Variants in NR2C1 observed in about 807,000 individuals in gnomAD.
The protein encoded by NR2C1 is TR2 nuclear hormone receptor.
In NR2C1, 33 loss-of-function variants were observed where a neutral mutation model predicts 74.8. That is an observed-to-expected ratio of 0.44 (90% CI 0.33 to 0.59). The LOEUF is 0.59. Ranked by LOEUF, NR2C1 falls within the 20% of genes least tolerant of loss-of-function variation. The pLI, the probability that NR2C1 is intolerant of heterozygous loss-of-function variation, is 0.02. For missense variants in NR2C1, 568 were observed against 715.6 expected (o/e 0.79, Z 2.35); for synonymous variants, 225 against 240.6 (o/e 0.94, Z 0.60).
intron 12 of NR2C1, among the ~76,000 whole-genome samples, chr12:95,026,306 G>GT (rs1305196289): frequency 1.3e-5 from 2 of 151,568 alleles, no homozygotes; most frequent in Non-Finnish European, 2.9e-5. Context: ...AGGTAAAAAG[G>GT]TATATAAGAA....
chr12:95,062,844 A>G (rs1875005488), intron 2 of NR2C1, 106 bp from the exon 3 acceptor site: 4 of 785,582 alleles, frequency 5.1e-6, no homozygotes, highest in Non-Finnish European at 8.2e-6. Flanking sequence ...TATAACACAC[A>G]CGTACCTTTT....
rs1244062904 is a variant in NR2C1, at chr12:95,058,369, C to T, written c.485G>A (p.Arg162Gln). 4 of 1,613,504 alleles carry T rather than the reference C, an allele frequency of 2.5e-6. No individual in the cohort carries two copies. The highest frequency in any genetic ancestry group is 4.5e-5 in the East Asian group (2 of 44,854). The change falls in exon 5 of 14, where the codon CGA (arginine) becomes CAA (glutamine). Residue 162 changes from arginine (R) to glutamine (Q), a missense_variant. Arg to Gln is a conservative substitution (Grantham distance 43). Around this residue, in one of 6 missense-constraint regions of NR2C1, gnomAD observed 44 missense variants for 95.6 expected, o/e 0.46. Transcript: ENST00000333003. ...SKDCIINKHHRNRCQYCRLQR... is the reference protein window; with the variant it reads ...SKDCIINKHHQNRCQYCRLQR... Reference sequence around the variant, plus strand: ...TAACCTGCAGTATTGACAGCGGTTTCGGTGGTGCTTATTAATAATACAATC... The same window carrying T: ...TAACCTGCAGTATTGACAGCGGTTTTGGTGGTGCTTATTAATAATACAATC...
intron 12 of NR2C1, among the ~76,000 whole-genome samples, chr12:95,026,223 G>T (rs61935757): frequency 0.12 from 17,826 of 148,302 alleles, 1,661 homozygotes; most frequent in African/African-American, 0.26. Context: ...AAAAAAAAAG[G>T]CATTTTAAAT....
At chr12:95,032,015 GCAC>G (rs2136104764) in intron 10 of NR2C1, among the ~76,000 whole-genome samples, 1 of 152,242 alleles carries the variant, frequency 6.6e-6, no homozygotes, top group Non-Finnish European at 1.5e-5. Context: ...TTACAGGCAT[GCAC>G]CACCACATGT....
At position 95,031,473 on chromosome 12, in the gene NR2C1, T is replaced by A; in HGVS notation, c.1269A>T (p.Ile423=). ...CATTCCAGTAAGCTTTCACCAGTGA[T>A]ATGCTGTTTTCTTGCCTATTAAAAA... is the stretch of plus-strand genomic sequence containing the variant. ...SFQALGQENS[I]SLVKAYWNEL... The change falls in exon 11 of 14, where the codon ATA becomes ATT. Residue 423 remains isoleucine (I), a synonymous_variant. Coordinates refer to ENST00000333003, the MANE Select transcript of NR2C1 (RefSeq NM_003297.4). 6.3e-7 allele frequency: 1 copy of A among 1,594,212 alleles called. No individual in the cohort carries two copies. The highest frequency in any genetic ancestry group is 8.5e-7 in the Non-Finnish European group (1 of 1,172,984).
At chr12:95,033,611 T>C (rs1410666392) in intron 10 of NR2C1, among the ~76,000 whole-genome samples, 1 of 151,840 alleles carries the variant, frequency 6.6e-6, no homozygotes. Flanking sequence ...TAGCCTTGTT[T>C]TCCTGGCTAA....
At chr12:95,042,932 CA>C (rs869036674) in intron 9 of NR2C1, among the ~76,000 whole-genome samples, 229 of 65,684 alleles carry the variant, frequency 3.5e-3, no homozygotes, top group Admixed American at 0.011. Flanking sequence ...CCCATTTCTA[CA>C]AAAAAAAAAA....
intron 11 of NR2C1, among the ~76,000 whole-genome samples, chr12:95,029,931 CCAT>C (rs1869858339): frequency 6.6e-6 from 1 of 152,058 alleles, no homozygotes; most frequent in South Asian, 2.1e-4. Flanking sequence ...TGTAGTGGTG[CCAT>C]CATAGCTCAC....
rs779930275 is a variant in NR2C1, at chr12:95,030,909, C to T, written c.1393+440G>A. The T allele has an allele frequency of 6.5e-5, 99 of 1,514,392 alleles. No individual in the cohort carries two copies. In the South Asian group the frequency reaches 1.1e-3, roughly 17 times the overall value. 93.8% of individuals were successfully genotyped at this position (1,514,392 alleles called of 1,614,324 possible). On this transcript the variant is annotated intron_variant, in intron 11 of 13. Coordinates refer to ENST00000333003, the MANE Select transcript of NR2C1 (RefSeq NM_003297.4). ...AAAAACAGAATAAAAAGGATTGTTCCTGACTCTTCAGAACTATTTAGGTGA... is the reference window on the plus strand; with the variant it reads ...AAAAACAGAATAAAAAGGATTGTTCTTGACTCTTCAGAACTATTTAGGTGA...
In NR2C1 at chr12:95,049,193, T is replaced by A; in HGVS notation, c.1006A>T (p.Ser336Cys). 6.2e-7 allele frequency: 1 copy of A among 1,614,140 alleles called. No homozygotes were observed. The highest frequency in any genetic ancestry group is 8.5e-7 in the Non-Finnish European group (1 of 1,180,006). ...TLAKALNPGE[S>C]TACQSSVAGM... ...GCTACTGAGCTCTGGCAGGCTGTGCTCTCTCCAGGATTCAATGCTTTTGCA... is the reference window on the plus strand; with the variant it reads ...GCTACTGAGCTCTGGCAGGCTGTGCACTCTCCAGGATTCAATGCTTTTGCA... Residue 336 changes from serine (S) to cysteine (C), a missense_variant, in exon 9 of 14, where the codon AGC (serine) becomes TGC (cysteine). Physicochemically the swap from Ser to Cys is moderately radical, Grantham distance 112. Coordinates refer to ENST00000333003, the MANE Select transcript of NR2C1 (RefSeq NM_003297.4).
intron 1 of NR2C1, among the ~76,000 whole-genome samples, chr12:95,070,986 G>A (rs189394390): frequency 6.6e-6 from 1 of 152,304 alleles, no homozygotes; most frequent in African/African-American, 2.4e-5. Context: ...GATCACCTGA[G>A]GTCAAGAGTC....
intron 8 of NR2C1, 133 bp from the exon 9 acceptor site, chr12:95,049,366 C>G (rs1872688571): frequency 1.4e-6 from 1 of 733,062 alleles, no homozygotes; most frequent in Non-Finnish European, 2.1e-6. Context: ...GTGATATGCC[C>G]GCCTCAGCCT....
rs997999371 is a variant in NR2C1 at position 95,022,088 on chromosome 12, G to A, written c.*141C>T. The A allele has an allele frequency of 1.7e-6, 1 of 583,576 alleles. No individual in the cohort carries two copies. The highest frequency in any genetic ancestry group is 2.7e-6 in the Non-Finnish European group (1 of 365,220). The allele number at this position is 583,576 out of a possible 1,614,324, so 36.1% of individuals were successfully genotyped here. On this transcript the variant is annotated 3_prime_UTR_variant, in exon 14 of 14. Transcript: ENST00000333003. ...CCCAGTCACTTCAAAAATTCTTAAG[G>A]GAAGCTAAAATAAAAATACCTTGGA...
intron 1 of NR2C1, among the ~76,000 whole-genome samples, chr12:95,072,468 A>G (rs1016713117): frequency 5.3e-5 from 8 of 150,806 alleles, no homozygotes; most frequent in African/African-American, 2.0e-4. Flanking sequence ...AAAAAAAAAA[A>G]AAAAAAGAAA....
At chr12:95,062,398 A>AT (rs1874911480) in intron 3 of NR2C1, 110 bp downstream of exon 3, 2 of 704,962 alleles carry the variant, frequency 2.8e-6, no homozygotes, top group South Asian at 2.0e-5. Flanking sequence ...AATTTTATGC[A>AT]TTTTTTTCCT....
chr12:95,051,408 G>A (rs1872986768), intron 8 of NR2C1, among the ~76,000 whole-genome samples: 1 of 152,122 alleles, frequency 6.6e-6, no homozygotes, highest in African/African-American at 2.4e-5. Flanking sequence ...ACATGTACAG[G>A]CCAGACATGC....
intron 13 of NR2C1, among the ~76,000 whole-genome samples, chr12:95,024,581 T>C (rs1415554550): frequency 6.6e-6 from 1 of 152,184 alleles, no homozygotes; most frequent in African/African-American, 2.4e-5. Flanking sequence ...TATAAAACAA[T>C]CTAATGGTAT....
chr12:95,068,210 G>C (rs1402299384), intron 1 of NR2C1, among the ~76,000 whole-genome samples: 1 of 152,020 alleles, frequency 6.6e-6, no homozygotes, highest in Admixed American at 6.6e-5. Flanking sequence ...ATGTTTATAC[G>C]GTCTTCCCTC....
rs147002892 is a variant in NR2C1 at position 95,024,600 on chromosome 12, ATTTTT to A, written c.1637+545_1637+549del. On this transcript the variant is annotated intron_variant, in intron 13 of 13. Transcript: ENST00000333003. The stretch of plus-strand genomic sequence containing the variant: ...AAACAATCTAATGGTATTTGTTTTT[ATTTTT>A]TAATATTTTTTAGACAGGGTCTCAC... Among the ~76,000 whole-genome samples the A allele has an allele frequency of 9.0e-3, 1,376 of 152,218 alleles. 16 individuals are homozygous for A. Among genetic ancestry groups the A allele is most frequent in the African/African-American group, 0.031 (1,295 of 41,534 alleles).
Sources: gnomAD v4.1 joint callset for allele counts (sites outside exome capture counted in the v4.1 genomes callset) on GRCh38, gnomAD v4.1.1 for gene constraint, gnomAD v4.1.1 regional missense constraint, MANE v1.5 for transcripts, NCBI Gene and HGNC (gene_info 2026-07-23, HGNC 2026-07-21) for gene names.